Variants in WNK3 observed in about 807,000 individuals in gnomAD.
WNK3 encodes serine/threonine-protein kinase WNK3.
Under a neutral mutation model 116.7 loss-of-function variants are expected in WNK3, and 18 were observed. The observed-to-expected ratio is 0.15, with a 90% CI of 0.11 to 0.23. The LOEUF is 0.23. Among genes scored for constraint, WNK3 ranks in the 10% least tolerant of loss-of-function variants. The pLI is 1.00. For missense variants in WNK3, 993 were observed against 1,323.8 expected, an observed-to-expected ratio of 0.75 and a Z score of 3.88; for synonymous variants, 404 against 469.4, an observed-to-expected ratio of 0.86 and a Z score of 1.80.
intron 1 of WNK3, among the ~76,000 whole-genome samples, chrX:54,346,605 CAAAAAAAAAAAAAAAAAAAA>C (rs57558276): frequency 2.1e-5 from 1 of 47,393 alleles, no homozygotes; most frequent in Non-Finnish European, 3.9e-5. Context: ...GACTCTGTCT[CAAAAAAAAAAAAAAAAAAAA>C]AGAACACATG....
intron 10 of WNK3, among the ~76,000 whole-genome samples, chrX:54,281,947 T>C (rs1278836461): frequency 1.8e-5 from 2 of 111,638 alleles, no homozygotes; most frequent in Non-Finnish European, 3.8e-5. Flanking sequence ...AAGATACTGA[T>C]TTCTTTTCGT....
chrX:54,303,430 T>G (rs1211994973), intron 5 of WNK3, among the ~76,000 whole-genome samples: 1 of 111,061 alleles, frequency 9.0e-6, no homozygotes, highest in Admixed American at 9.7e-5. Context: ...TAATAGAAAA[T>G]TCCAAATTAA....
intron 22 of WNK3, among the ~76,000 whole-genome samples, chrX:54,224,949 G>A (rs1557147489): frequency 9.0e-6 from 1 of 110,799 alleles, no homozygotes; most frequent in Admixed American, 9.7e-5. Flanking sequence ...GACTTGAACA[G>A]CCCTCTAAAC....
At chrX:54,245,404 C>T (rs1354018439) in intron 17 of WNK3, among the ~76,000 whole-genome samples, 1 of 109,770 alleles carries the variant, frequency 9.1e-6, no homozygotes, top group Non-Finnish European at 1.9e-5. Flanking sequence ...AGGGGATCAC[C>T]TAAACTCAGG....
intron 10 of WNK3, among the ~76,000 whole-genome samples, chrX:54,267,659 G>A (rs1202626440): frequency 4.5e-5 from 5 of 109,947 alleles, no homozygotes; most frequent in Non-Finnish European, 9.5e-5. Context: ...GGTGGTGTGT[G>A]CCTGTAAGTG....
chrX:54,227,629 C>G (rs781830204), intron 22 of WNK3, among the ~76,000 whole-genome samples: 3 of 111,951 alleles, frequency 2.7e-5, no homozygotes, highest in Non-Finnish European at 5.6e-5. Context: ...TTGAACACAA[C>G]TGTTCATAGC....
intron 20 of WNK3, among the ~76,000 whole-genome samples, chrX:54,234,957 T>C (rs184690872): frequency 8.9e-6 from 1 of 112,423 alleles, no homozygotes; most frequent in African/African-American, 3.2e-5. Flanking sequence ...GTATAGTACT[T>C]AATATATAAG....
intron 2 of WNK3, among the ~76,000 whole-genome samples, chrX:54,315,446 A>G (rs1455838542): frequency 1.8e-5 from 2 of 111,527 alleles, no homozygotes; most frequent in African/African-American, 3.3e-5. Flanking sequence ...CAATGTCAAC[A>G]TATGTTAGTT....
intron 10 of WNK3, among the ~76,000 whole-genome samples, chrX:54,288,680 G>A (rs1036055828): frequency 9.0e-6 from 1 of 111,416 alleles, no homozygotes; most frequent in Admixed American, 9.6e-5. Flanking sequence ...TTAGCTGCTG[G>A]TGTCCAAAAC....
chrX:54,254,140 G>C, intron 12 of WNK3, 65 bp from the exon 13 acceptor site: 1 of 678,664 alleles, frequency 1.5e-6, no homozygotes, highest in Non-Finnish European at 2.3e-6. Flanking sequence ...ATTGTGCAAG[G>C]AACATCTACA....
exon 18 of WNK3, chrX:54,238,908 C>T: frequency 8.3e-7 from 1 of 1,201,205 alleles, no homozygotes; most frequent in South Asian, 1.8e-5. Context: ...TGGTTGACTG[C>T]CGTAGCCTGT....
chrX:54,350,361 G>A (rs1291404966), intron 1 of WNK3, among the ~76,000 whole-genome samples: 1 of 108,442 alleles, frequency 9.2e-6, no homozygotes, highest in Admixed American at 1.0e-4. Flanking sequence ...AGTGAGCCGA[G>A]ACTGTGCCAC....
At chrX:54,193,344 C>T (rs1014528738) in exon 24 of WNK3, 2 of 110,255 alleles carry the variant, frequency 1.8e-5, no homozygotes, top group African/African-American at 6.6e-5. Context: ...TGTTCTGGAC[C>T]GCAAACCTCA....
At chrX:54,255,991 ATAC>A (rs1281097262) in intron 11 of WNK3, 104 bp from the exon 12 acceptor site, 1 of 672,075 alleles carries the variant, frequency 1.5e-6, no homozygotes, top group South Asian at 3.4e-5. Context: ...AGAAAAATTA[ATAC>A]TACAATCTTT....
intron 10 of WNK3, among the ~76,000 whole-genome samples, chrX:54,290,375 C>A (rs782104213): frequency 6.3e-5 from 7 of 111,491 alleles, no homozygotes; most frequent in African/African-American, 2.0e-4. Flanking sequence ...CTCCAAAGGC[C>A]AGCTACAGGT....
chrX:54,268,300 A>G (rs1557158351), intron 10 of WNK3, among the ~76,000 whole-genome samples: 2 of 111,116 alleles, frequency 1.8e-5, no homozygotes, highest in African/African-American at 6.6e-5. Flanking sequence ...TGGGCAACTG[A>G]GCAATACCTC....
intron 10 of WNK3, among the ~76,000 whole-genome samples, chrX:54,273,016 C>T (rs11798688): frequency 8.9e-6 from 1 of 112,119 alleles, no homozygotes; most frequent in Admixed American, 9.5e-5. Context: ...CATAACCTTT[C>T]AATGACTCCT....
At chrX:54,300,437 G>A (rs2068746032) in intron 6 of WNK3, among the ~76,000 whole-genome samples, 1 of 111,881 alleles carries the variant, frequency 8.9e-6, no homozygotes, top group Non-Finnish European at 1.9e-5. Flanking sequence ...TAGGATTACA[G>A]GTATAAGCCA....
At chrX:54,301,669 A>G in intron 6 of WNK3, 102 bp downstream of exon 6, 2 of 678,990 alleles carry the variant, frequency 2.9e-6, no homozygotes, top group Non-Finnish European at 4.5e-6. Context: ...CTTCTACTCA[A>G]AAGTCAAACT....
Sources: allele counts gnomAD v4.1 joint callset (sites outside exome capture counted in the v4.1 genomes callset), GRCh38; gene constraint gnomAD v4.1.1; transcripts MANE v1.5; gene names NCBI Gene and HGNC (gene_info 2026-07-23, HGNC 2026-07-21).